The following KRT80 variants were observed in gnomAD, a reference collection of about 807,000 sequenced individuals.
KRT80 encodes the protein keratin 80.
A neutral mutation model predicts 51.5 loss-of-function variants in KRT80; 36 were observed. That is an observed-to-expected ratio of 0.70 (90% CI 0.54 to 0.92). KRT80 has a LOEUF of 0.92. Among genes scored for constraint, KRT80 ranks in the 40% least tolerant of loss-of-function variants. KRT80 has a pLI of 0.00. For missense variants in KRT80, 566 were observed against 591.7 expected (o/e 0.96, Z 0.45); for synonymous variants, 235 against 248.3 (o/e 0.95, Z 0.50).
At chr12:52,175,546 A>G (rs58234395) in intron 4 of KRT80, among the ~76,000 whole-genome samples, 2 of 152,104 alleles carry the variant, frequency 1.3e-5, no homozygotes, top group East Asian at 3.9e-4. Flanking sequence ...GACAGGGATG[A>G]GGGGCCAGCT....
At chr12:52,174,065 C>A (rs925245881) in intron 4 of KRT80, among the ~76,000 whole-genome samples, 1 of 152,226 alleles carries the variant, frequency 6.6e-6, no homozygotes, top group African/African-American at 2.4e-5. Context: ...CACTGTTGCC[C>A]TCTCCTGGGA....
intron 1 of KRT80, among the ~76,000 whole-genome samples, chr12:52,188,359 T>G (rs1364177304): frequency 6.6e-6 from 1 of 152,082 alleles, no homozygotes; most frequent in African/African-American, 2.4e-5. Context: ...TAGGGCCAGG[T>G]TGGGGCTGAG....
chr12:52,190,252 G>A (rs557410724), intron 1 of KRT80, among the ~76,000 whole-genome samples: 88 of 152,308 alleles, frequency 5.8e-4, no homozygotes, highest in African/African-American at 1.8e-3. Flanking sequence ...CACTGACTTC[G>A]TGTCTCAACA....
chr12:52,171,598 C>T (rs1176948728), intron 8 of KRT80, 60 bp downstream of exon 8: 1 of 1,609,994 alleles, frequency 6.2e-7, no homozygotes, highest in Admixed American at 1.7e-5. Flanking sequence ...CCTTTAGGAT[C>T]ATGATCCCCT....
intron 4 of KRT80, among the ~76,000 whole-genome samples, chr12:52,177,562 T>C (rs1941249840): frequency 1.3e-5 from 2 of 152,078 alleles, no homozygotes; most frequent in African/African-American, 4.8e-5. Context: ...TTGCAGTAGA[T>C]GAGGCCTGAG....
At chr12:52,185,855 G>T in intron 1 of KRT80, 1 of 564,868 alleles carries the variant, frequency 1.8e-6, no homozygotes, top group Non-Finnish European at 3.0e-6. Flanking sequence ...CAGAGGAAGG[G>T]GGTAAGAGGG....
chr12:52,187,618 C>T (rs898684372), intron 1 of KRT80, among the ~76,000 whole-genome samples: 8 of 152,294 alleles, frequency 5.3e-5, no homozygotes, highest in East Asian at 1.9e-4. Context: ...ACGGTATTTG[C>T]GGGCTGCCAT....
chr12:52,179,522 C>T (rs566433716), intron 4 of KRT80, among the ~76,000 whole-genome samples: 8 of 152,350 alleles, frequency 5.3e-5, no homozygotes, highest in African/African-American at 1.7e-4. Flanking sequence ...CTCAGTTCCA[C>T]GGAGGCCCCA....
Position 52,177,340 on chromosome 12 carries a change from C to T in KRT80, c.666+3173G>A, listed in dbSNP as rs116474157. 9.5e-3 allele frequency among the ~76,000 whole-genome samples: 1,446 copies of T among 152,302 alleles called. 27 individuals carry two copies. The highest frequency in any genetic ancestry group is 0.033 in the African/African-American group (1,355 of 41,558). ...TTTAGGCAGCACTGGCTTTTCTCTG[C>T]AGGGATGGACCTCCCTCGAGGTGTG... On this transcript the variant is annotated intron_variant, in intron 4 of 8. Coordinates refer to ENST00000394815, the MANE Select transcript of KRT80 (RefSeq NM_182507.3).
chr12:52,185,228 C>T (rs1257807837), intron 2 of KRT80, 151 bp downstream of exon 2: 1 of 768,858 alleles, frequency 1.3e-6, no homozygotes, highest in African/African-American at 1.7e-5. Context: ...AGAATACTGC[C>T]TGGCACATAC....
rs903948843 is a variant in KRT80, at chr12:52,173,307, C to T, written c.832-144G>A. On this transcript the variant is annotated intron_variant, in intron 5 of 8. Coordinates refer to ENST00000394815, the MANE Select transcript of KRT80 (RefSeq NM_182507.3). ...CCACGCCAGGCTCCCTCAGCTCCCC[C>T]TTCCACCTCCCTTTCTGGGTGGCCT... The T allele has an allele frequency of 5.4e-6, 6 of 1,118,180 alleles. No individual in the cohort carries two copies. The African/African-American group carries it at 1.1e-4, about 21-fold the overall frequency. 69.3% of individuals were successfully genotyped at this position (1,118,180 alleles called of 1,614,324 possible). A position where few individuals can be genotyped will look rare whatever the true frequency, so the allele number is the denominator to read the frequency against.
At chr12:52,185,826 GAGGGC>G in intron 1 of KRT80, 4 of 794,096 alleles carry the variant, frequency 5.0e-6, no homozygotes, top group East Asian at 3.0e-5. Context: ...GTTTCCAGGC[GAGGGC>G]AGGGCAGGGC....
At position 52,174,550 on chromosome 12, in the gene KRT80, C is replaced by T. The variant is rs572769507; in HGVS notation, c.667-786G>A. On this transcript the variant is annotated intron_variant, in intron 4 of 8. Transcript: ENST00000394815. ...CTGGAAATGGTAAAACCCACCATTC[C>T]CTGAGGAATTCCCTGCAGGCTGGAC... Among the ~76,000 whole-genome samples, 25 of 152,246 alleles carry T rather than the reference C, an allele frequency of 1.6e-4. 1 individual carries two copies. Among genetic ancestry groups the T allele is most frequent in the Non-Finnish European group, 3.5e-4 (24 of 68,044 alleles).
chr12:52,172,925 G>T (rs770017365), intron 6 of KRT80, 113 bp downstream of exon 6: 6 of 1,291,858 alleles, frequency 4.6e-6, no homozygotes, highest in East Asian at 2.5e-5. Context: ...GCACAGAGGC[G>T]CTAAGCGACC....
At chr12:52,180,760 G>A in intron 3 of KRT80, 143 bp downstream of exon 3, 2 of 1,585,572 alleles carry the variant, frequency 1.3e-6, no homozygotes, top group Non-Finnish European at 1.7e-6. Flanking sequence ...TGGGGATGGG[G>A]GTATCTCCCT....
chr12:52,172,940 C>A, intron 6 of KRT80, 98 bp downstream of exon 6: 2 of 1,395,246 alleles, frequency 1.4e-6, no homozygotes, highest in Non-Finnish European at 1.9e-6. Flanking sequence ...GCGACCCACA[C>A]AGGGTCACTC....
At position 52,171,542 on chromosome 12, in the gene KRT80, TAGGGGA is replaced by T; in HGVS notation, c.1235-26_1235-21del. 1 of 1,613,306 alleles carries T rather than the reference TAGGGGA, an allele frequency of 6.2e-7. No homozygotes were observed. Among genetic ancestry groups the T allele is most frequent in the South Asian group, 1.1e-5 (1 of 91,004 alleles). ...AGGCAGCTACAGGGAACATAAGGGG[TAGGGGA>T]GGGAAGGGGCTGGAGGTTTGGGAGC... On this transcript the variant is annotated intron_variant, in intron 8 of 8. Transcript: ENST00000394815.
rs1941072115 is a variant in KRT80 at position 52,170,603 on chromosome 12, C to A, written c.*795G>T. 1 of 152,240 alleles carries A rather than the reference C, an allele frequency of 6.6e-6. No homozygotes were observed. The highest frequency in any genetic ancestry group is 2.4e-5 in the African/African-American group (1 of 41,462). 9.4% of individuals were successfully genotyped at this position (152,240 alleles called of 1,614,324 possible). A position where few individuals can be genotyped will look rare whatever the true frequency, so the allele number is the denominator to read the frequency against. ...GTGAAAGGAAGATCGAATGCTCCTG[C>A]CCAATCTCAAGCTGCCATCTGGCTT... On this transcript the variant is annotated 3_prime_UTR_variant, in exon 9 of 9. Transcript: ENST00000394815.
At chr12:52,183,972 C>G (rs1419053883) in intron 2 of KRT80, among the ~76,000 whole-genome samples, 2 of 152,198 alleles carry the variant, frequency 1.3e-5, no homozygotes, top group African/African-American at 4.8e-5. Context: ...CCCCGACTGC[C>G]CGGTCATGGT....
Sources: gnomAD v4.1 joint callset for allele counts (sites outside exome capture counted in the v4.1 genomes callset) on GRCh38, gnomAD v4.1.1 for gene constraint, MANE v1.5 for transcripts, NCBI Gene and HGNC (gene_info 2026-07-23, HGNC 2026-07-21) for gene names.